GLYCTK: variants seen among roughly 807,000 people sequenced by gnomAD.
GLYCTK encodes the protein glycerate kinase, also known as HBeAg binding protein 4.
Under a neutral mutation model 24.8 loss-of-function variants are expected in GLYCTK, and 22 were observed. The observed-to-expected ratio is 0.89, with a 90% CI of 0.63 to 1.27. GLYCTK has a LOEUF of 1.27. Ranked by LOEUF, GLYCTK falls within the 50% of genes most tolerant of loss-of-function variation. GLYCTK has a pLI of 0.00. For missense variants in GLYCTK, 684 were observed against 686.7 expected (o/e 1.00, Z 0.04); for synonymous variants, 320 against 297.2 (o/e 1.08, Z -0.79).
At position 52,292,515 on chromosome 3, in the gene GLYCTK, C is replaced by T. The variant is rs1700512037; in HGVS notation, c.961C>T (p.Arg321Trp). The change falls in exon 5 of 5, where the codon CGG becomes TGG. Residue 321 changes from arginine to tryptophan, a missense_variant. By Grantham distance (101) the Arg-to-Trp change is moderately radical. Coordinates refer to ENST00000436784, the MANE Select transcript of GLYCTK (RefSeq NM_145262.4). The part of the protein sequence containing the change: ...SNVLALAEAQ[R>W]QAEALGYQAV... ...TGTGCTGGCGCTAGCTGAGGCCCAG[C>T]GGCAGGCCGAGGCACTGGGCTACCA... is the stretch of plus-strand genomic sequence containing the variant. The T allele has an allele frequency of 1.2e-6, 2 of 1,613,716 alleles. No individual in the cohort carries two copies. The highest frequency in any genetic ancestry group is 1.7e-6 in the Non-Finnish European group (2 of 1,179,984).
At position 52,292,861 on chromosome 3, in the gene GLYCTK, G is replaced by C. The variant is rs760946607; in HGVS notation, c.1307G>C (p.Arg436Thr). The C allele has an allele frequency of 5.6e-6, 9 of 1,613,990 alleles. No individual in the cohort carries two copies. In the African/African-American group the frequency reaches 9.3e-5, roughly 17 times the overall value. The change falls in exon 5 of 5, where the codon AGG (arginine) becomes ACG (threonine). Residue 436 changes from arginine to threonine, a missense_variant. Transcript: ENST00000436784. ...CTGCGTGTTGGAGCAGAGTTGAGAA[G>C]GTGGCCGCTGGGGCCGATAGATGTG... Reference protein sequence around the residue: ...LALRVGAELRRWPLGPIDVLF... With the variant: ...LALRVGAELRTWPLGPIDVLF...
At chr3:52,291,159 TGATCTCTCAGGTCTTCGA>T in intron 3 of GLYCTK, 48 bp downstream of exon 3, 1 of 1,591,680 alleles carries the variant, frequency 6.3e-7, no homozygotes, top group Non-Finnish European at 8.5e-7. Context: ...GTGCACCACC[TGATCTCTCAGGTCTTCGA>T]GAGATCAGGT....
chr3:52,288,383 T>A (rs1212849870), intron 1 of GLYCTK, among the ~76,000 whole-genome samples: 1 of 152,092 alleles, frequency 6.6e-6, no homozygotes, highest in Non-Finnish European at 1.5e-5. Context: ...CTAATTTTTG[T>A]ATTTTTAGAA....
At chr3:52,291,347 G>A in intron 3 of GLYCTK, 1 of 604,566 alleles carries the variant, frequency 1.7e-6, no homozygotes, top group East Asian at 2.8e-5. Flanking sequence ...GAGGGTGCAT[G>A]GGGAGCACAT....
rs759555028 is a variant in GLYCTK at position 52,292,883 on chromosome 3, T to A, written c.1329T>A (p.Asp443Glu). 2 of 1,614,060 alleles carry A rather than the reference T, an allele frequency of 1.2e-6. No individual in the cohort carries two copies. Among genetic ancestry groups the A allele is most frequent in the Admixed American group, 3.3e-5 (2 of 60,016 alleles). ...ELRRWPLGPI[D>E]VLFLSGGTDG... ...GAAGGTGGCCGCTGGGGCCGATAGATGTGCTGTTTTTGAGCGGTGGCACCG... is the reference window on the plus strand; with the variant it reads ...GAAGGTGGCCGCTGGGGCCGATAGAAGTGCTGTTTTTGAGCGGTGGCACCG... The change falls in exon 5 of 5, where the codon GAT becomes GAA. Residue 443 changes from aspartate to glutamate, a missense_variant. Asp to Glu is a conservative substitution (Grantham distance 45). Coordinates refer to ENST00000436784, the MANE Select transcript of GLYCTK (RefSeq NM_145262.4).
In GLYCTK at chr3:52,292,616, G is replaced by A. The variant is rs1301649284; in HGVS notation, c.1062G>A (p.Val354=). ...MAQFYGLLAH[V]ARTRLTPSMA... ...AGTTCTACGGGCTGCTGGCCCATGT[G>A]GCTAGAACCCGCCTCACCCCATCCA... Residue 354 remains valine (V), a synonymous_variant, in exon 5 of 5, where the codon GTG becomes GTA. Coordinates refer to ENST00000436784, the MANE Select transcript of GLYCTK (RefSeq NM_145262.4). The A allele has an allele frequency of 1.9e-6, 3 of 1,612,700 alleles. No individual in the cohort carries two copies. The highest frequency in any genetic ancestry group is 2.7e-5 in the African/African-American group (2 of 74,920).
Position 52,291,737 on chromosome 3 carries a change from G to C in GLYCTK, c.530-10G>C. The C allele has an allele frequency of 1.2e-6, 2 of 1,613,386 alleles. No individual in the cohort carries two copies. The highest frequency in any genetic ancestry group is 1.7e-6 in the Non-Finnish European group (2 of 1,179,890). On this transcript the variant is annotated splice_polypyrimidine_tract_variant and intron_variant, in intron 3 of 4. Transcript: ENST00000436784. ...AGCCCCTCTACCTGATACCCTCATT[G>C]TCTTGAGAGGTGGGGGTTCAGCTCT...
chr3:52,288,401 G>A (rs57615517), intron 1 of GLYCTK, among the ~76,000 whole-genome samples: 38,728 of 151,838 alleles, frequency 0.26, 6,110 homozygotes, highest in East Asian at 0.36. Flanking sequence ...GAAGAGACGG[G>A]GTTTCACCAC....
Position 52,292,668 on chromosome 3 carries a change from G to C in GLYCTK, c.1114G>C (p.Ala372Pro), listed in dbSNP as rs190934481. 1 of 1,606,794 alleles carries C rather than the reference G, an allele frequency of 6.2e-7. No individual in the cohort carries two copies. The highest frequency in any genetic ancestry group is 2.2e-5 in the East Asian group (1 of 44,726). ...SMAGASVEED[A>P]QLHELAAELQ... ...GGCTGGGGCTTCTGTGGAGGAAGAT[G>C]CACAGCTCCATGAGCTGGCAGCTGA... The change falls in exon 5 of 5, where the codon GCA becomes CCA. Residue 372 changes from alanine (A) to proline (P), a missense_variant. Coordinates refer to ENST00000436784, the MANE Select transcript of GLYCTK (RefSeq NM_145262.4).
rs1349434322 is a variant in GLYCTK, at chr3:52,295,009, C to T, written c.*1883C>T. 1.5e-5 allele frequency: 7 copies of T among 453,908 alleles called. No homozygotes were observed. In the Admixed American group the frequency reaches 1.6e-4, roughly 11 times the overall value. 28.1% of individuals were successfully genotyped at this position (453,908 alleles called of 1,614,324 possible). ...TGGATAGGATCTTGCAGGAGGTTCC[C>T]CCTGCTCTACATTGACCCCTTCCCT... is the stretch of plus-strand genomic sequence containing the variant. On this transcript the variant is annotated 3_prime_UTR_variant, in exon 5 of 5. Transcript: ENST00000436784.
In GLYCTK at chr3:52,290,567, T is replaced by G; in HGVS notation, c.225T>G (p.Phe75Leu). 6.2e-7 allele frequency: 1 copy of G among 1,613,800 alleles called. No homozygotes were observed. Among genetic ancestry groups the G allele is most frequent in the Non-Finnish European group, 8.5e-7 (1 of 1,180,018 alleles). The change falls in exon 2 of 5, where the codon TTT (phenylalanine) becomes TTG (leucine). Residue 75 changes from phenylalanine to leucine, a missense_variant. Physicochemically the swap from Phe to Leu is conservative, Grantham distance 22. Transcript: ENST00000436784. Reference protein sequence around the residue: ...GRQLKVRDRNFQLRQNLYLVG... With the variant: ...GRQLKVRDRNLQLRQNLYLVG... ...AGCTGAAGGTGCGGGACCGGAACTT[T>G]CAGCTGAGGCAAAACCTCTACCTGG...
rs768035054 is a variant in GLYCTK at position 52,290,418 on chromosome 3, G to T, written c.76G>T (p.Ala26Ser). 4.3e-6 allele frequency: 7 copies of T among 1,610,384 alleles called. No homozygotes were observed. The African/African-American group carries it at 5.3e-5, about 12-fold the overall frequency. The change falls in exon 2 of 5, where the codon GCC becomes TCC. Residue 26 changes from alanine (A) to serine (S), a missense_variant. Coordinates refer to ENST00000436784, the MANE Select transcript of GLYCTK (RefSeq NM_145262.4). ...TCCACTCCTCTGGCGGGGCTCAGTG[G>T]CCCGTCTGGCCAGCAGCATGGCCTT... is the stretch of plus-strand genomic sequence containing the variant. Reference protein sequence around the residue: ...LHPLLWRGSVARLASSMALAE... With the variant: ...LHPLLWRGSVSRLASSMALAE...
chr3:52,291,556 G>C (rs1021648620), intron 3 of GLYCTK, 191 bp from the exon 4 acceptor site: 1 of 608,264 alleles, frequency 1.6e-6, no homozygotes, highest in Non-Finnish European at 2.9e-6. Flanking sequence ...CTGGGACCTG[G>C]GGTACCCCAA....
chr3:52,287,849 T>C lies in GLYCTK; in HGVS notation c.-67T>C. The C allele has an allele frequency of 2.2e-6, 1 of 452,820 alleles. No homozygotes were observed. Among genetic ancestry groups the C allele is most frequent in the Non-Finnish European group, 4.4e-6 (1 of 226,028 alleles). 28.1% of individuals were successfully genotyped at this position (452,820 alleles called of 1,614,324 possible). A position where few individuals can be genotyped will look rare whatever the true frequency, so the allele number is the denominator to read the frequency against. ...CCCTAGTACTTCCGTTCTCCAGCGCTGGGCACCGCGGCCGGAGCTGTGGGC... is the reference window on the plus strand; with the variant it reads ...CCCTAGTACTTCCGTTCTCCAGCGCCGGGCACCGCGGCCGGAGCTGTGGGC... On this transcript the variant is annotated 5_prime_UTR_variant, in exon 1 of 5. Coordinates refer to ENST00000436784, the MANE Select transcript of GLYCTK (RefSeq NM_145262.4).
In GLYCTK at chr3:52,290,494, C is replaced by A. The variant is rs1364972186; in HGVS notation, c.152C>A (p.Pro51Gln). The A allele has an allele frequency of 6.2e-7, 1 of 1,613,220 alleles. No homozygotes were observed. The highest frequency in any genetic ancestry group is 8.5e-7 in the Non-Finnish European group (1 of 1,180,022). The change falls in exon 2 of 5, where the codon CCG becomes CAG. Residue 51 changes from proline to glutamine, a missense_variant. Coordinates refer to ENST00000436784, the MANE Select transcript of GLYCTK (RefSeq NM_145262.4). ...GAGAGTGCTGTAGGTGCAGTGCTGC[C>A]GGGCCCCATGCTGCACCGGGCACTA... is the stretch of plus-strand genomic sequence containing the variant. ...LFESAVGAVL[P>Q]GPMLHRALSL...
chr3:52,287,968 T>A (rs1229099600), intron 1 of GLYCTK, 92 bp downstream of exon 1: 1 of 366,684 alleles, frequency 2.7e-6, no homozygotes, highest in Non-Finnish European at 5.7e-6. Context: ...CCCTTCTTTC[T>A]CGCATCACCG....
At position 52,291,897 on chromosome 3, in the gene GLYCTK, T is replaced by C; in HGVS notation, c.680T>C (p.Leu227Pro). The change falls in exon 4 of 5, where the codon CTG becomes CCG. Residue 227 changes from leucine (L) to proline (P), a missense_variant. Coordinates refer to ENST00000436784, the MANE Select transcript of GLYCTK (RefSeq NM_145262.4). ...KALSQLKGGG[L>P]AQAAYPAQVV... ...CTGTCCCAGCTCAAGGGTGGGGGGC[T>C]GGCTCAGGCCGCCTACCCTGCCCAG... 1 of 1,613,352 alleles carries C rather than the reference T, an allele frequency of 6.2e-7. No individual in the cohort carries two copies.
At position 52,292,882 on chromosome 3, in the gene GLYCTK, A is replaced by G. The variant is rs745590609; in HGVS notation, c.1328A>G (p.Asp443Gly). Residue 443 changes from aspartate to glycine, a missense_variant, in exon 5 of 5, where the codon GAT (aspartate) becomes GGT (glycine). Coordinates refer to ENST00000436784, the MANE Select transcript of GLYCTK (RefSeq NM_145262.4). ...ELRRWPLGPI[D>G]VLFLSGGTDG... Reference sequence around the variant, plus strand: ...AGAAGGTGGCCGCTGGGGCCGATAGATGTGCTGTTTTTGAGCGGTGGCACC... The same window carrying G: ...AGAAGGTGGCCGCTGGGGCCGATAGGTGTGCTGTTTTTGAGCGGTGGCACC... 1.2e-6 allele frequency: 2 copies of G among 1,613,840 alleles called. No individual in the cohort carries two copies. The highest frequency in any genetic ancestry group is 1.7e-6 in the Non-Finnish European group (2 of 1,179,974).
At chr3:52,290,078 T>C (rs1700410975) in intron 1 of GLYCTK, 1 of 535,900 alleles carries the variant, frequency 1.9e-6, no homozygotes. Flanking sequence ...AGGGCCGGCA[T>C]GTGGTCTGCA....
Sources: gnomAD v4.1 joint callset for allele counts (sites outside exome capture counted in the v4.1 genomes callset) on GRCh38, gnomAD v4.1.1 for gene constraint, MANE v1.5 for transcripts, NCBI Gene and HGNC (gene_info 2026-07-23, HGNC 2026-07-21) for gene names.